The following TMEM74 variants were observed in gnomAD, a reference collection of about 807,000 sequenced individuals.
TMEM74 encodes the protein transmembrane protein 74.
A neutral mutation model predicts 18.1 loss-of-function variants in TMEM74; 13 were observed. The ratio of observed to expected loss-of-function variants is 0.72; its 90% CI spans 0.47 to 1.14. TMEM74 has a LOEUF of 1.14. Ranked by LOEUF, TMEM74 falls within the 50% of genes most tolerant of loss-of-function variation. The probability of loss-of-function intolerance (pLI) is 0.00; values close to 1 mark genes in which losing one functional copy is unlikely to be tolerated. For missense variants in TMEM74, 372 were observed against 375.9 expected (o/e 0.99, Z 0.09); for synonymous variants, 159 against 146.6 (o/e 1.08, Z -0.61).
intron 1 of TMEM74, among the ~76,000 whole-genome samples, chr8:108,772,765 T>C (rs930029828): frequency 4.5e-4 from 69 of 152,170 alleles, no homozygotes; most frequent in African/African-American, 1.6e-3. Flanking sequence ...CAAGCAAGTG[T>C]ATTAAGTGAT....
intron 1 of TMEM74, among the ~76,000 whole-genome samples, chr8:108,761,592 TG>T (rs1454297505): frequency 1.3e-5 from 2 of 152,086 alleles, no homozygotes; most frequent in Non-Finnish European, 2.9e-5. Context: ...AGGCTGGAGA[TG>T]GATAGTCTCA....
chr8:108,777,907 G>C (rs1237574241), downstream of TMEM74, among the ~76,000 whole-genome samples: 1 of 152,092 alleles, frequency 6.6e-6, no homozygotes, highest in Non-Finnish European at 1.5e-5. Context: ...AAGGACAAAT[G>C]TTGGCTTAAT....
intron 1 of TMEM74, among the ~76,000 whole-genome samples, chr8:108,694,458 A>G (rs144598768): frequency 6.6e-6 from 1 of 152,368 alleles, no homozygotes; most frequent in African/African-American, 2.4e-5. Flanking sequence ...TTTCATTTAT[A>G]TGAAATATCC....
chr8:108,654,988 AT>A (rs1226174381), intron 2 of TMEM74, among the ~76,000 whole-genome samples: 6 of 152,194 alleles, frequency 3.9e-5, no homozygotes, highest in Non-Finnish European at 8.8e-5. Context: ...ACTAATTACT[AT>A]AGGTTTTCAG....
chr8:108,730,322 G>A (rs1813680678), intron 1 of TMEM74, among the ~76,000 whole-genome samples: 1 of 152,138 alleles, frequency 6.6e-6, no homozygotes. Flanking sequence ...GCTGTGGCTT[G>A]CAGAAGACTC....
chr8:108,756,602 GGAAGGAAGGA>G (rs1563543621), intron 1 of TMEM74, among the ~76,000 whole-genome samples: 7 of 45,842 alleles, frequency 1.5e-4, no homozygotes, highest in African/African-American at 9.1e-4. Context: ...GAAAGAGAAA[GGAAGGAAGGA>G]AGGAAGGAAG....
chr8:108,621,863 C>G (rs758331545), intron 2 of TMEM74, among the ~76,000 whole-genome samples: 1 of 152,060 alleles, frequency 6.6e-6, no homozygotes, highest in African/African-American at 2.4e-5. Flanking sequence ...AAAGTGAATA[C>G]GCACAAAGCA....
chr8:108,777,103 C>T (rs1814242800), downstream of TMEM74, among the ~76,000 whole-genome samples: 1 of 152,146 alleles, frequency 6.6e-6, no homozygotes, highest in Non-Finnish European at 1.5e-5. Context: ...TCTTGCAAGG[C>T]AAACAGTATT....
intron 1 of TMEM74, among the ~76,000 whole-genome samples, chr8:108,674,901 A>T (rs1304371260): frequency 1.3e-5 from 2 of 152,166 alleles, no homozygotes; most frequent in Non-Finnish European, 2.9e-5. Context: ...CATGTCACTC[A>T]AATATCTCAG....
intron 1 of TMEM74, among the ~76,000 whole-genome samples, chr8:108,733,213 A>G (rs1813712821): frequency 6.6e-6 from 1 of 152,118 alleles, no homozygotes; most frequent in Non-Finnish European, 1.5e-5. Context: ...GTGTACAGCT[A>G]TTTTTTTCAT....
chr8:108,711,392 T>C (rs1213240857), intron 1 of TMEM74, among the ~76,000 whole-genome samples: 5 of 152,242 alleles, frequency 3.3e-5, no homozygotes, highest in African/African-American at 2.4e-5. Flanking sequence ...ACTCTCCCTG[T>C]CTTCTACTTA....
intron 1 of TMEM74, among the ~76,000 whole-genome samples, chr8:108,787,206 A>C (rs1206606114): frequency 6.6e-6 from 1 of 151,924 alleles, no homozygotes; most frequent in Non-Finnish European, 1.5e-5. Flanking sequence ...GATCTCGGGG[A>C]GGCGACCTCT....
chr8:108,702,517 C>A (rs1813347676), intron 1 of TMEM74, among the ~76,000 whole-genome samples: 1 of 151,868 alleles, frequency 6.6e-6, no homozygotes, highest in South Asian at 2.1e-4. Flanking sequence ...ACATCTTACA[C>A]CCTTCACAAA....
intron 1 of TMEM74, among the ~76,000 whole-genome samples, chr8:108,720,253 AT>A (rs1467458812): frequency 1.3e-5 from 2 of 152,198 alleles, no homozygotes; most frequent in Non-Finnish European, 2.9e-5. Flanking sequence ...TTCTGTATCA[AT>A]TTTGATTTTT....
intron 1 of TMEM74, among the ~76,000 whole-genome samples, chr8:108,670,959 A>G (rs1234050642): frequency 1.3e-5 from 2 of 152,194 alleles, no homozygotes; most frequent in Non-Finnish European, 2.9e-5. Context: ...GGCACACTAG[A>G]GAAGAAGTTG....
intron 2 of TMEM74, chr8:108,655,273 C>T (rs1338757514): frequency 6.6e-6 from 1 of 152,002 alleles, no homozygotes; most frequent in Non-Finnish European, 1.5e-5. Context: ...ATATGTATTT[C>T]AGTCCTTATT....
At chr8:108,756,656 GAAAGAAAGAA>G (rs1563543757) in intron 1 of TMEM74, among the ~76,000 whole-genome samples, 3 of 63,342 alleles carry the variant, frequency 4.7e-5, no homozygotes, top group Admixed American at 3.4e-4. Context: ...GAAAGAGAAA[GAAAGAAAGAA>G]AGAAAGAAAG....
At chr8:108,733,387 C>T (rs1813714520) in intron 1 of TMEM74, among the ~76,000 whole-genome samples, 1 of 151,880 alleles carries the variant, frequency 6.6e-6, no homozygotes, top group South Asian at 2.1e-4. Context: ...AAGAGAGAAA[C>T]AAAGTAGTAC....
At position 108,730,910 on chromosome 8, in the gene TMEM74, G is replaced by A. The variant is rs572674252; in HGVS notation, n.119+56566C>T. On this transcript the variant is annotated intron_variant and non_coding_transcript_variant, in intron 1 of 3. Transcript: ENST00000518838. ...CTCCCAAAGTGCTGGGATTACAGGCGTGAGCCACCGCGCCCTGCCACCATG... is the reference window on the plus strand; with the variant it reads ...CTCCCAAAGTGCTGGGATTACAGGCATGAGCCACCGCGCCCTGCCACCATG... 2.6e-5 allele frequency among the ~76,000 whole-genome samples: 4 copies of A among 152,182 alleles called. No individual in the cohort carries two copies. The East Asian group carries it at 7.7e-4, about 29-fold the overall frequency.
Sources: gnomAD v4.1 joint callset for allele counts (sites outside exome capture counted in the v4.1 genomes callset) on GRCh38, gnomAD v4.1.1 for gene constraint, MANE v1.5 for transcripts, NCBI Gene and HGNC (gene_info 2026-07-23, HGNC 2026-07-21) for gene names.